Variants in TCF3 observed in about 807,000 individuals in gnomAD.
TCF3 encodes transcription factor 3, also known as transcription factor E2-alpha.
Under a neutral mutation model 72.3 loss-of-function variants are expected in TCF3, and 54 were observed. The ratio of observed to expected loss-of-function variants is 0.75; its 90% CI spans 0.60 to 0.94. The LOEUF is 0.94. TCF3 is among the 40% of genes least tolerant of loss of function. TCF3 has a pLI of 0.00. For missense variants in TCF3, 1,078 were observed against 934.4 expected (o/e 1.15, Z -2.00); for synonymous variants, 525 against 412.6 (o/e 1.27, Z -3.30).
chr19:1,631,740 C>T (rs2063740118), intron 5 of TCF3, among the ~76,000 whole-genome samples: 1 of 152,228 alleles, frequency 6.6e-6, no homozygotes, highest in African/African-American at 2.4e-5. Context: ...CTGACCCCTC[C>T]CCGGGAAGCA....
chr19:1,615,014 G>A lies in TCF3; in HGVS notation c.1822+271C>T, dbSNP rs2061408142. On this transcript the variant is annotated intron_variant, in intron 18 of 18. Transcript: ENST00000262965. The surrounding 1 kb of genome is among the most constrained non-coding windows in gnomAD (Gnocchi z 7.3). ...CTGGGAGATACAGTTCTGAGCCACA[G>A]AGCCCAGGCCTGAAGGACTAGGGGT... is the stretch of plus-strand genomic sequence containing the variant. Among the ~76,000 whole-genome samples the A allele has an allele frequency of 6.6e-6, 1 of 152,164 alleles. No individual in the cohort carries two copies. Among genetic ancestry groups the A allele is most frequent in the Admixed American group, 6.5e-5 (1 of 15,284 alleles).
Position 1,624,027 on chromosome 19 carries a change from C to T in TCF3, c.500-27G>A, listed in dbSNP as rs201250415. 1.3e-3 allele frequency: 2,127 copies of T among 1,611,182 alleles called. 4 individuals are homozygous for T. Among genetic ancestry groups the T allele is most frequent in the Admixed American group, 1.8e-3 (109 of 59,956 alleles). ...TGTTAGAAGCAAAAGGGGTGAGAACCGGCCACCGGCCATGAGAACAACCCC... is the reference window on the plus strand; with the variant it reads ...TGTTAGAAGCAAAAGGGGTGAGAACTGGCCACCGGCCATGAGAACAACCCC... On this transcript the variant is annotated intron_variant, in intron 7 of 18. Coordinates refer to ENST00000262965, the MANE Select transcript of TCF3 (RefSeq NM_003200.5).
intron 3 of TCF3, among the ~76,000 whole-genome samples, chr19:1,636,918 A>G (rs1013424206): frequency 8.5e-5 from 13 of 152,178 alleles, no homozygotes; most frequent in African/African-American, 3.1e-4. Flanking sequence ...CCTGAGGCTG[A>G]AGAGAATGTG....
At chr19:1,626,205 C>T (rs2062856860) in intron 6 of TCF3, among the ~76,000 whole-genome samples, 1 of 152,166 alleles carries the variant, frequency 6.6e-6, no homozygotes, top group South Asian at 2.1e-4. Context: ...TATCCCAGTA[C>T]TTTGGGAGGC....
intron 2 of TCF3, among the ~76,000 whole-genome samples, chr19:1,646,987 C>T (rs541584873): frequency 6.6e-6 from 1 of 152,274 alleles, no homozygotes; most frequent in African/African-American, 2.4e-5. Flanking sequence ...CCTACCAGGG[C>T]TGGGTATGGG....
At chr19:1,637,927 A>G (rs1365590428) in intron 3 of TCF3, among the ~76,000 whole-genome samples, 1 of 152,170 alleles carries the variant, frequency 6.6e-6, no homozygotes, top group Non-Finnish European at 1.5e-5. Context: ...AAGAAAAAGA[A>G]AAAGAGACAC....
intron 3 of TCF3, among the ~76,000 whole-genome samples, chr19:1,639,066 C>A (rs1193725761): frequency 6.6e-6 from 1 of 152,214 alleles, no homozygotes; most frequent in African/African-American, 2.4e-5. Flanking sequence ...TTTTCTGAGA[C>A]AGAGTCTCGC....
intron 16 of TCF3, among the ~76,000 whole-genome samples, chr19:1,617,938 G>C (rs2061721630): frequency 6.6e-6 from 1 of 152,190 alleles, no homozygotes; most frequent in Admixed American, 6.5e-5. Context: ...GCTGCGGTGA[G>C]ATGCCCTGGC....
In TCF3 at chr19:1,615,268, C is replaced by G; in HGVS notation, c.1822+17G>C. 1 of 1,566,496 alleles carries G rather than the reference C, an allele frequency of 6.4e-7. No individual in the cohort carries two copies. Among genetic ancestry groups the G allele is most frequent in the Non-Finnish European group, 8.7e-7 (1 of 1,151,500 alleles). ...GGTGGCGCTGCAGGGACGCTGGTGG[C>G]CCGCGCCCCCACTGACCTCGCACTT... On this transcript the variant is annotated intron_variant, in intron 18 of 18. Transcript: ENST00000262965. This position sits in a 1 kb window ranked among gnomAD's most constrained non-coding sequence, Gnocchi z 7.3.
At chr19:1,639,636 A>G (rs1398282682) in intron 3 of TCF3, among the ~76,000 whole-genome samples, 1 of 151,908 alleles carries the variant, frequency 6.6e-6, no homozygotes, top group Non-Finnish European at 1.5e-5. Context: ...TCCAAACAGT[A>G]GCTACCGTTT....
At chr19:1,625,166 G>A (rs981713410) in intron 7 of TCF3, among the ~76,000 whole-genome samples, 2 of 152,244 alleles carry the variant, frequency 1.3e-5, no homozygotes, top group Non-Finnish European at 2.9e-5. Flanking sequence ...CCTGGAATGG[G>A]CCCCGGGTAG....
At chr19:1,642,232 GCA>G (rs2065400419) in intron 3 of TCF3, among the ~76,000 whole-genome samples, 7 of 148,850 alleles carry the variant, frequency 4.7e-5, no homozygotes, top group Admixed American at 2.0e-4. Context: ...GCACAGACAC[GCA>G]CGCGCAGACG....
At chr19:1,632,164 C>T in intron 4 of TCF3, 48 bp from the exon 5 acceptor site, 1 of 1,588,486 alleles carries the variant, frequency 6.3e-7, no homozygotes, top group Non-Finnish European at 8.6e-7. Flanking sequence ...TTCACAGGCC[C>T]CCCCTCCACC....
chr19:1,618,516 T>G (rs970801548), intron 16 of TCF3, among the ~76,000 whole-genome samples: 4 of 26,848 alleles, frequency 1.5e-4, no homozygotes, highest in Non-Finnish European at 1.8e-4. Flanking sequence ...CCCTCCCCCC[T>G]TCCCTCTCTC....
intron 18 of TCF3, among the ~76,000 whole-genome samples, 161 bp from the exon 19 acceptor site, chr19:1,612,010 G>A (rs1057135164): frequency 6.6e-6 from 1 of 151,878 alleles, no homozygotes; most frequent in Non-Finnish European, 1.5e-5. Flanking sequence ...TGAGAAGGCT[G>A]GGGGGATGGG....
Position 1,609,842 on chromosome 19 carries a change from C to T in TCF3, c.*1865G>A, listed in dbSNP as rs988946227. 8.6e-6 allele frequency: 2 copies of T among 232,088 alleles called. No homozygotes were observed. The highest frequency in any genetic ancestry group is 1.7e-5 in the Non-Finnish European group (2 of 117,450). 14.4% of individuals were successfully genotyped at this position (232,088 alleles called of 1,614,324 possible). A position where few individuals can be genotyped will look rare whatever the true frequency, so the allele number is the denominator to read the frequency against. On this transcript the variant is annotated 3_prime_UTR_variant, in exon 19 of 19. Coordinates refer to ENST00000262965, the MANE Select transcript of TCF3 (RefSeq NM_003200.5). ...AGGGGAGTCAGGCAGTCCAGGATCT[C>T]CTGGGGGTAACGGTGGGAGTCTCAG...
At chr19:1,635,066 G>A (rs573415989) in intron 3 of TCF3, among the ~76,000 whole-genome samples, 27 of 152,278 alleles carry the variant, frequency 1.8e-4, no homozygotes, top group African/African-American at 6.5e-4. Flanking sequence ...TACCATGCCG[G>A]GCAGGCAAAA....
chr19:1,650,699 G>A (rs2066886280), intron 1 of TCF3: 3 of 236,774 alleles, frequency 1.3e-5, no homozygotes. Flanking sequence ...GGAAAGGGAG[G>A]AACAGCCCGA....
chr19:1,615,222 G>C lies in TCF3; in HGVS notation c.1822+63C>G, dbSNP rs370343809. ...AGGAAGGCGGGCGGGGAAGGAGAACGAGGGCAGGAACACGAGGGAGGGTGG... is the reference window on the plus strand; with the variant it reads ...AGGAAGGCGGGCGGGGAAGGAGAACCAGGGCAGGAACACGAGGGAGGGTGG... On this transcript the variant is annotated intron_variant, in intron 18 of 18. Coordinates refer to ENST00000262965, the MANE Select transcript of TCF3 (RefSeq NM_003200.5). This position sits in a 1 kb window ranked among gnomAD's most constrained non-coding sequence, Gnocchi z 7.3. 70 of 1,512,322 alleles carry C rather than the reference G, an allele frequency of 4.6e-5. No individual in the cohort carries two copies. Among genetic ancestry groups the C allele is most frequent in the Non-Finnish European group, 5.4e-5 (61 of 1,132,520 alleles). 93.7% of individuals were successfully genotyped at this position (1,512,322 alleles called of 1,614,324 possible). A position where few individuals can be genotyped will look rare whatever the true frequency, so the allele number is the denominator to read the frequency against.
Sources: allele counts gnomAD v4.1 joint callset (sites outside exome capture counted in the v4.1 genomes callset), GRCh38; gene constraint gnomAD v4.1.1; non-coding constraint Gnocchi (gnomAD v3.1); transcripts MANE v1.5; gene names NCBI Gene and HGNC (gene_info 2026-07-23, HGNC 2026-07-21).